PPP1R10: variants seen among roughly 807,000 people sequenced by gnomAD.
PPP1R10 encodes the protein protein phosphatase 1 regulatory subunit 10, also known as serine/threonine-protein phosphatase 1 regulatory subunit 10.
A neutral mutation model predicts 99.0 loss-of-function variants in PPP1R10; 15 were observed. That is an observed-to-expected ratio of 0.15 (90% CI 0.10 to 0.23). The LOEUF is 0.23. Ranked by LOEUF, PPP1R10 falls within the 10% of genes least tolerant of loss-of-function variation. PPP1R10 has a pLI of 1.00. For missense variants in PPP1R10, 947 were observed against 1,259.4 expected, an observed-to-expected ratio of 0.75 and a Z score of 3.75; for synonymous variants, 430 against 449.5, an observed-to-expected ratio of 0.96 and a Z score of 0.55.
intron 2 of PPP1R10, 55 bp from the exon 3 acceptor site, chr6:30,610,010 T>C (rs986566082): frequency 1.6e-5 from 19 of 1,161,572 alleles, no homozygotes; most frequent in South Asian, 1.1e-4. Context: ...TGGCAAGGAC[T>C]ACCCGAGTAG....
Position 30,604,074 on chromosome 6 carries a change from T to C in PPP1R10, c.1442A>G (p.Gln481Arg). 1 of 1,614,008 alleles carries C rather than the reference T, an allele frequency of 6.2e-7. No homozygotes were observed. Among genetic ancestry groups the C allele is most frequent in the Non-Finnish European group, 8.5e-7 (1 of 1,180,000 alleles). ...SPLVTPGSNS[Q>R]ERYIQAEREK... is the part of the protein sequence containing the mutation. ...CCGCTCAGCCTGGATATATCGCTCC[T>C]GACTATTGCTTCCAGGGGTGACAAG... Residue 481 changes from glutamine to arginine, a missense_variant, in exon 14 of 20, where the codon CAG becomes CGG. Physicochemically the swap from Gln to Arg is conservative, Grantham distance 43. Around this residue, in one of 10 missense-constraint regions of PPP1R10, gnomAD observed 50 missense variants for 78.6 expected, o/e 0.64. Transcript: ENST00000376511. The surrounding 1 kb of genome is among the most constrained non-coding windows in gnomAD (Gnocchi z 7.3).
chr6:30,605,092 T>C lies in PPP1R10; in HGVS notation c.856A>G (p.Met286Val), dbSNP rs763237328. 2.5e-6 allele frequency: 4 copies of C among 1,612,578 alleles called. No individual in the cohort carries two copies. Among genetic ancestry groups the C allele is most frequent in the South Asian group, 1.1e-5 (1 of 91,024 alleles). The change falls in exon 11 of 20, where the codon ATG becomes GTG. Residue 286 changes from methionine (M) to valine (V), a missense_variant and splice_region_variant. Around this residue, in one of 10 missense-constraint regions of PPP1R10, gnomAD observed 26 missense variants for 56.6 expected, o/e 0.46. Coordinates refer to ENST00000376511, the MANE Select transcript of PPP1R10 (RefSeq NM_002714.4). ...GCATCCAGAAAGCCCAGGCCCTCCA[T>C]AGCTACAAAAAGAAAGAGCACCAAA... ...IKVKIIPPQP[M>V]EGLGFLDALN...
intron 16 of PPP1R10, 33 bp downstream of exon 16, chr6:30,603,439 C>A: frequency 1.3e-6 from 2 of 1,597,664 alleles, no homozygotes; most frequent in Non-Finnish European, 1.7e-6. Context: ...GGAGGCTCCA[C>A]AGAAGGTGGA....
rs112556607 is a variant in PPP1R10, at chr6:30,608,446, C to T, written c.330+333G>A. 9.8e-3 allele frequency among the ~76,000 whole-genome samples: 1,496 copies of T among 152,068 alleles called. 23 individuals carry two copies. The highest frequency in any genetic ancestry group is 0.031 in the African/African-American group (1,288 of 41,464). On this transcript the variant is annotated intron_variant, in intron 5 of 19. Coordinates refer to ENST00000376511, the MANE Select transcript of PPP1R10 (RefSeq NM_002714.4). ...CCTCCTGATTAGCTGGGACTACAGG[C>T]GCATGCCACCATGCCTGGCTAATTT...
rs1803873206 is a variant in PPP1R10, at chr6:30,605,793, G to A, written c.853+130C>T. 16 of 878,762 alleles carry A rather than the reference G, an allele frequency of 1.8e-5. No individual in the cohort carries two copies. The South Asian group carries it at 2.7e-4, about 15-fold the overall frequency. The allele number at this position is 878,762 out of a possible 1,614,324, so 54.4% of individuals were successfully genotyped here. ...GAGAATGGCGTGAACCCGGGAGGCG[G>A]AGCTTGCAGTGAGCCAAGACCGTGC... On this transcript the variant is annotated intron_variant, in intron 10 of 19. Coordinates refer to ENST00000376511, the MANE Select transcript of PPP1R10 (RefSeq NM_002714.4).
chr6:30,611,591 A>G (rs1263562906), intron 2 of PPP1R10, among the ~76,000 whole-genome samples: 1 of 152,244 alleles, frequency 6.6e-6, no homozygotes, highest in Non-Finnish European at 1.5e-5. Context: ...ATAGCATAAC[A>G]ATCTCAGCCT....
chr6:30,608,163 G>GT (rs1223552494), intron 5 of PPP1R10, among the ~76,000 whole-genome samples: 15 of 151,886 alleles, frequency 9.9e-5, no homozygotes, highest in Admixed American at 5.2e-4. Flanking sequence ...TAAATTTTTT[G>GT]TATTTTTTGT....
chr6:30,611,311 AAAAC>A (rs372381949), intron 2 of PPP1R10, among the ~76,000 whole-genome samples: 4 of 152,026 alleles, frequency 2.6e-5, no homozygotes, highest in Non-Finnish European at 5.9e-5. Flanking sequence ...CGCTGCCTCA[AAAAC>A]AAACAAACAA....
chr6:30,615,894 C>T (rs1249753600), intron 2 of PPP1R10, among the ~76,000 whole-genome samples: 3 of 152,128 alleles, frequency 2.0e-5, no homozygotes, highest in Admixed American at 2.0e-4. Context: ...CAAATATACC[C>T]CAAGCAAATT....
At chr6:30,608,298 T>G (rs896817239) in intron 5 of PPP1R10, among the ~76,000 whole-genome samples, 13 of 147,224 alleles carry the variant, frequency 8.8e-5, no homozygotes, top group African/African-American at 3.3e-4. Flanking sequence ...GGCTGACACA[T>G]TCCTTTTTTT....
At position 30,606,242 on chromosome 6, in the gene PPP1R10, T is replaced by C; in HGVS notation, c.636A>G (p.Gly212=). 1 of 1,613,860 alleles carries C rather than the reference T, an allele frequency of 6.2e-7. No homozygotes were observed. The highest frequency in any genetic ancestry group is 8.5e-7 in the Non-Finnish European group (1 of 1,179,994). ...APSHAKFRST[G]LELETPSLVP... is the part of the protein sequence containing the mutation. ...CCAAGGATGGTGTCTCCAGCTCTAG[T>C]CCTGGGGAAAGAAGCACGGTGTGGG... The change falls in exon 9 of 20, where the codon GGA becomes GGG. Residue 212 remains glycine (G), a splice_region_variant and synonymous_variant. Transcript: ENST00000376511. The surrounding 1 kb of genome is among the most constrained non-coding windows in gnomAD (Gnocchi z 6.3).
chr6:30,607,554 C>T (rs1193503622), intron 6 of PPP1R10, among the ~76,000 whole-genome samples: 1 of 152,150 alleles, frequency 6.6e-6, no homozygotes, highest in Non-Finnish European at 1.5e-5. Context: ...CTATTTCCCA[C>T]AGCAAATTTT....
intron 2 of PPP1R10, among the ~76,000 whole-genome samples, chr6:30,612,134 A>T (rs1804623899): frequency 6.6e-6 from 1 of 152,108 alleles, no homozygotes. Context: ...ATACACACAT[A>T]CCTACCATTA....
At chr6:30,616,284 G>A (rs1174865475) in intron 2 of PPP1R10, among the ~76,000 whole-genome samples, 194 bp downstream of exon 2, 2 of 152,232 alleles carry the variant, frequency 1.3e-5, no homozygotes, top group African/African-American at 4.8e-5. Flanking sequence ...GGAAGAGATA[G>A]GTGGTAGGGG....
At position 30,603,318 on chromosome 6, in the gene PPP1R10, C is replaced by G. The variant is rs938241973; in HGVS notation, c.1768-33G>C. 3.1e-6 allele frequency: 5 copies of G among 1,594,614 alleles called. No homozygotes were observed. In the African/African-American group the frequency reaches 6.7e-5, roughly 21 times the overall value. On this transcript the variant is annotated intron_variant, in intron 16 of 19. Transcript: ENST00000376511. ...GATGTAAGAAGGCAAAGTCAACAGA[C>G]AGAAAGGGTAACAACCATGGCGAAA... is the stretch of plus-strand genomic sequence containing the variant.
intron 2 of PPP1R10, among the ~76,000 whole-genome samples, chr6:30,610,158 G>A (rs1250295926): frequency 6.6e-6 from 1 of 152,130 alleles, no homozygotes. Context: ...TTAAGCATGG[G>A]GAGCATATGT....
intron 2 of PPP1R10, among the ~76,000 whole-genome samples, chr6:30,614,249 T>C (rs1348129063): frequency 2.6e-5 from 4 of 151,872 alleles, no homozygotes; most frequent in African/African-American, 9.7e-5. Flanking sequence ...CTTTTAGGAA[T>C]TTCTTTTAGA....
intron 6 of PPP1R10, among the ~76,000 whole-genome samples, chr6:30,607,481 A>G (rs1329268795): frequency 1.3e-5 from 2 of 152,144 alleles, no homozygotes; most frequent in African/African-American, 4.8e-5. Flanking sequence ...CCACTTATAA[A>G]CTCATTTCAT....
At position 30,602,441 on chromosome 6, in the gene PPP1R10, A is replaced by G; in HGVS notation, c.2208T>C (p.Asn736=). ...TGCCCCCACCAGGGCCCCCTCGTCC[A>G]TTTGGGGGTCCTCCTCCAGAGCGAC... ...RGGRSGGGPP[N]GRGGPGGGMV... The change falls in exon 19 of 20, where the codon AAT becomes AAC. Residue 736 remains asparagine (N), a synonymous_variant. Coordinates refer to ENST00000376511, the MANE Select transcript of PPP1R10 (RefSeq NM_002714.4). The surrounding 1 kb of genome is among the most constrained non-coding windows in gnomAD (Gnocchi z 6.7). 6.2e-7 allele frequency: 1 copy of G among 1,603,466 alleles called. No homozygotes were observed. The highest frequency in any genetic ancestry group is 8.5e-7 in the Non-Finnish European group (1 of 1,173,596).
Sources: gnomAD v4.1 joint callset for allele counts (sites outside exome capture counted in the v4.1 genomes callset) on GRCh38, gnomAD v4.1.1 for gene constraint, gnomAD v4.1.1 regional missense constraint, Gnocchi (gnomAD v3.1) non-coding constraint, MANE v1.5 for transcripts, NCBI Gene and HGNC (gene_info 2026-07-23, HGNC 2026-07-21) for gene names.